Variants in SPECC1 observed in about 807,000 individuals in gnomAD.
SPECC1 encodes the protein sperm antigen with calponin homology and coiled-coil domains 1.
In SPECC1, 62 loss-of-function variants were observed where a neutral mutation model predicts 104.1. The observed-to-expected ratio is 0.60, with a 90% CI of 0.49 to 0.74. The LOEUF (loss-of-function observed/expected upper bound fraction) is 0.74, where lower values mean the gene tolerates loss of function less well. SPECC1 is among the 30% of genes least tolerant of loss of function. The pLI is 0.00. For missense variants in SPECC1, 1,306 were observed against 1,310.5 expected (o/e 1.00, Z 0.05); for synonymous variants, 513 against 501.6 (o/e 1.02, Z -0.30).
chr17:20,162,274 T>C (rs1274330304), intron 3 of SPECC1, among the ~76,000 whole-genome samples: 5 of 152,098 alleles, frequency 3.3e-5, no homozygotes, highest in Non-Finnish European at 7.4e-5. Context: ...GCCTCCCAAG[T>C]AGCTGGGACT....
chr17:20,161,057 A>G (rs1173412583), intron 3 of SPECC1, among the ~76,000 whole-genome samples: 3 of 152,196 alleles, frequency 2.0e-5, no homozygotes, highest in Non-Finnish European at 4.4e-5. Context: ...CTAAAAATAC[A>G]AAAATTAGTC....
intron 1 of SPECC1, among the ~76,000 whole-genome samples, chr17:20,057,305 G>A (rs2046003023): frequency 6.6e-6 from 1 of 152,086 alleles, no homozygotes; most frequent in Non-Finnish European, 1.5e-5. Context: ...GCCGGGCGTG[G>A]TGGCGGGCGC....
chr17:20,138,834 C>T (rs937874280), intron 3 of SPECC1, among the ~76,000 whole-genome samples: 6 of 152,178 alleles, frequency 3.9e-5, no homozygotes, highest in African/African-American at 7.2e-5. Context: ...TATAAATACT[C>T]GTGAAGCTTT....
chr17:20,317,663 C>T lies in SPECC1; in HGVS notation c.*3598C>T, dbSNP rs2042057146. On this transcript the variant is annotated 3_prime_UTR_variant, in exon 15 of 15. Transcript: ENST00000395527. ...ATCACTTGAGCCCAGGAGTTTGAGGCTGCAGTAAGCTGTGTTTGTGCCACT... is the reference window on the plus strand; with the variant it reads ...ATCACTTGAGCCCAGGAGTTTGAGGTTGCAGTAAGCTGTGTTTGTGCCACT... 5.0e-6 allele frequency: 1 copy of T among 201,542 alleles called. No individual in the cohort carries two copies. The highest frequency in any genetic ancestry group is 1.0e-5 in the Non-Finnish European group (1 of 98,060). The allele number at this position is 201,542 out of a possible 1,614,324, so 12.5% of individuals were successfully genotyped here.
chr17:20,239,130 A>G (rs1598063134), intron 7 of SPECC1: 14 of 1,015,500 alleles, frequency 1.4e-5, no homozygotes, highest in Non-Finnish European at 1.6e-5. Context: ...ATAAATTTTT[A>G]AAACTCTAGG....
chr17:20,178,338 C>A (rs2034620733), intron 3 of SPECC1, among the ~76,000 whole-genome samples: 1 of 152,094 alleles, frequency 6.6e-6, no homozygotes, highest in Non-Finnish European at 1.5e-5. Context: ...CCCCAGTGTG[C>A]CCTTTCATTT....
chr17:20,210,533 T>A (rs1485301503), intron 4 of SPECC1, among the ~76,000 whole-genome samples: 1 of 152,242 alleles, frequency 6.6e-6, no homozygotes, highest in Admixed American at 6.5e-5. Flanking sequence ...CCTTTACATC[T>A]GATTGGTGAG....
intron 13 of SPECC1, among the ~76,000 whole-genome samples, chr17:20,300,119 AG>A (rs1265963527): frequency 6.6e-6 from 1 of 152,230 alleles, no homozygotes; most frequent in Non-Finnish European, 1.5e-5. Context: ...TGGAATTTAA[AG>A]CCATTAAGAG....
intron 4 of SPECC1, among the ~76,000 whole-genome samples, chr17:20,207,034 T>C (rs866465181): frequency 8.5e-5 from 13 of 152,302 alleles, no homozygotes; most frequent in Middle Eastern, 3.4e-3. Flanking sequence ...TCTGCCCACC[T>C]CCCAGAGCAG....
chr17:20,291,819 A>G (rs756318400), intron 12 of SPECC1, among the ~76,000 whole-genome samples: 3 of 151,968 alleles, frequency 2.0e-5, no homozygotes, highest in Non-Finnish European at 4.4e-5. Flanking sequence ...TTCTGGGGTT[A>G]CAGCGTGAGC....
chr17:20,279,059 A>G (rs978387344), intron 12 of SPECC1, among the ~76,000 whole-genome samples: 1 of 151,988 alleles, frequency 6.6e-6, no homozygotes, highest in Non-Finnish European at 1.5e-5. Context: ...TCATCTTGTC[A>G]CCATTCAGAA....
intron 3 of SPECC1, among the ~76,000 whole-genome samples, chr17:20,174,784 G>T (rs1429419633): frequency 1.3e-5 from 2 of 152,060 alleles, no homozygotes; most frequent in Non-Finnish European, 2.9e-5. Context: ...CCGGCATTCA[G>T]CCTGGCTGAC....
chr17:20,227,986 T>C (rs891754781), intron 5 of SPECC1, among the ~76,000 whole-genome samples: 1 of 152,032 alleles, frequency 6.6e-6, no homozygotes, highest in Non-Finnish European at 1.5e-5. Flanking sequence ...GGTTTGACTG[T>C]ATGTTGGCTG....
chr17:20,122,099 G>A (rs1403242019), intron 3 of SPECC1, among the ~76,000 whole-genome samples: 2 of 152,134 alleles, frequency 1.3e-5, no homozygotes, highest in African/African-American at 2.4e-5. Context: ...CGGCTGGCCC[G>A]TGTCCCCCAC....
intron 3 of SPECC1, among the ~76,000 whole-genome samples, chr17:20,148,995 T>C (rs2031735149): frequency 6.6e-6 from 1 of 152,130 alleles, no homozygotes; most frequent in East Asian, 1.9e-4. Context: ...GTGCTGGGAT[T>C]ACAGGGGTAG....
chr17:20,159,542 C>T (rs2032942650), intron 3 of SPECC1, among the ~76,000 whole-genome samples: 1 of 152,196 alleles, frequency 6.6e-6, no homozygotes, highest in South Asian at 2.1e-4. Context: ...CTCATCCCCT[C>T]TGGGGTGTTT....
At chr17:20,251,163 G>A (rs992750865) in intron 9 of SPECC1, among the ~76,000 whole-genome samples, 6 of 140,574 alleles carry the variant, frequency 4.3e-5, no homozygotes, top group Non-Finnish European at 6.0e-5. Flanking sequence ...AGGAGGCGGA[G>A]GTTGCAGTCA....
intron 12 of SPECC1, among the ~76,000 whole-genome samples, chr17:20,261,670 A>G (rs1021390386): frequency 1.3e-5 from 2 of 152,114 alleles, no homozygotes; most frequent in African/African-American, 2.4e-5. Flanking sequence ...TTTTGTTTCT[A>G]TTGTTTTGAG....
At chr17:20,224,954 G>A (rs1222212019) in intron 4 of SPECC1, among the ~76,000 whole-genome samples, 1 of 152,150 alleles carries the variant, frequency 6.6e-6, no homozygotes, top group Non-Finnish European at 1.5e-5. Context: ...AGTACTGTGT[G>A]GGTACCACTG....
Sources: gnomAD v4.1 joint callset for allele counts (sites outside exome capture counted in the v4.1 genomes callset) on GRCh38, gnomAD v4.1.1 for gene constraint, MANE v1.5 for transcripts, NCBI Gene and HGNC (gene_info 2026-07-23, HGNC 2026-07-21) for gene names.